Variants in TMOD1 observed in about 807,000 individuals in gnomAD.
The protein encoded by TMOD1 is tropomodulin 1, also known as tropomodulin-1.
Under a neutral mutation model 40.6 loss-of-function variants are expected in TMOD1, and 17 were observed. The ratio of observed to expected loss-of-function variants is 0.42; its 90% CI spans 0.29 to 0.63. The LOEUF (loss-of-function observed/expected upper bound fraction) is 0.63. Among genes scored for constraint, TMOD1 ranks in the 20% least tolerant of loss-of-function variants. The pLI is 0.22. For missense variants in TMOD1, 391 were observed against 447.6 expected, an observed-to-expected ratio of 0.87 and a Z score of 1.14; for synonymous variants, 181 against 175.0, an observed-to-expected ratio of 1.03 and a Z score of -0.27.
At chr9:97,599,304 TTTAACTC>T (rs1826196340) in intron 9 of TMOD1, among the ~76,000 whole-genome samples, 1 of 152,156 alleles carries the variant, frequency 6.6e-6, no homozygotes, top group African/African-American at 2.4e-5. Flanking sequence ...TGACTAAACT[TTTAACTC>T]TTATCTGAAC....
intron 8 of TMOD1, among the ~76,000 whole-genome samples, chr9:97,580,961 G>A (rs7863516): frequency 0.15 from 11,779 of 76,724 alleles, 620 homozygotes; most frequent in South Asian, 0.27. Flanking sequence ...TTTTCACTTG[G>A]CATAATTCTT....
At chr9:97,505,606 A>G (rs1158397771) in intron 1 of TMOD1, among the ~76,000 whole-genome samples, 3 of 151,642 alleles carry the variant, frequency 2.0e-5, no homozygotes, top group Non-Finnish European at 4.4e-5. Flanking sequence ...TTCTCTTTCC[A>G]CCGCACACTC....
chr9:97,568,191 G>A (rs1402642812), intron 7 of TMOD1, among the ~76,000 whole-genome samples: 1 of 152,208 alleles, frequency 6.6e-6, no homozygotes, highest in Non-Finnish European at 1.5e-5. Flanking sequence ...AAAGAGACAA[G>A]TGGGGAGTAT....
intron 8 of TMOD1, among the ~76,000 whole-genome samples, chr9:97,574,554 G>A (rs967762812): frequency 6.6e-6 from 1 of 152,254 alleles, no homozygotes; most frequent in Non-Finnish European, 1.5e-5. Context: ...GGGCTGAGGA[G>A]TGCGGGCGCA....
chr9:97,522,812 C>T (rs1829937843), intron 1 of TMOD1, among the ~76,000 whole-genome samples: 1 of 152,160 alleles, frequency 6.6e-6, no homozygotes, highest in South Asian at 2.1e-4. Flanking sequence ...ATCCTCTCAC[C>T]TCAGCCTCCC....
chr9:97,574,723 T>C (rs944105268), intron 8 of TMOD1, among the ~76,000 whole-genome samples: 6 of 152,158 alleles, frequency 3.9e-5, no homozygotes, highest in Admixed American at 1.3e-4. Flanking sequence ...TAGCTCAAGG[T>C]TTGTAAACAC....
At chr9:97,586,160 C>A (rs977849845) in intron 8 of TMOD1, among the ~76,000 whole-genome samples, 25 of 151,414 alleles carry the variant, frequency 1.7e-4, no homozygotes, top group Non-Finnish European at 3.3e-4. Flanking sequence ...TCTTTGATGA[C>A]GGTGATGTAC....
chr9:97,582,292 C>T (rs1210493279), intron 8 of TMOD1, among the ~76,000 whole-genome samples: 1 of 144,128 alleles, frequency 6.9e-6, no homozygotes, highest in Non-Finnish European at 1.5e-5. Flanking sequence ...TCAGGTTTGT[C>T]AAAGATCAGA....
At chr9:97,575,842 A>G (rs1391718871) in intron 8 of TMOD1, among the ~76,000 whole-genome samples, 1 of 152,202 alleles carries the variant, frequency 6.6e-6, no homozygotes, top group Admixed American at 6.5e-5. Flanking sequence ...ATGCTCTGAC[A>G]TGGTAAAGGT....
intron 2 of TMOD1, among the ~76,000 whole-genome samples, chr9:97,535,457 C>T (rs183392756): frequency 1.3e-5 from 2 of 152,322 alleles, no homozygotes; most frequent in African/African-American, 2.4e-5. Flanking sequence ...CTGGCTGGCT[C>T]TTCCCTGGTC....
chr9:97,573,835 G>A (rs1422882520), intron 8 of TMOD1, among the ~76,000 whole-genome samples: 2 of 152,150 alleles, frequency 1.3e-5, no homozygotes, highest in East Asian at 1.9e-4. Context: ...CCCAGCCTCG[G>A]AAGTTACACA....
rs531674005 is a variant in TMOD1, at chr9:97,591,161, A to G, written c.871-130A>G. 5.4e-5 allele frequency: 51 copies of G among 947,624 alleles called. No individual in the cohort carries two copies. In the East Asian group the frequency reaches 1.1e-3, roughly 21 times the overall value. 58.7% of individuals were successfully genotyped at this position (947,624 alleles called of 1,614,324 possible). On this transcript the variant is annotated intron_variant, in intron 8 of 9. Coordinates refer to ENST00000259365, the MANE Select transcript of TMOD1 (RefSeq NM_003275.4). ...AACTTCTCTAAACTTCCATTTCCCT[A>G]CTCTTGGAGAGGAGGCTAAAATCCC...
At chr9:97,544,088 C>A (rs1830318274) in intron 2 of TMOD1, among the ~76,000 whole-genome samples, 1 of 152,202 alleles carries the variant, frequency 6.6e-6, no homozygotes, top group Non-Finnish European at 1.5e-5. Flanking sequence ...ACCTGCCAAG[C>A]CCATTATCTG....
At position 97,536,085 on chromosome 9, in the gene TMOD1, T is replaced by A. The variant is rs900777070; in HGVS notation, c.121-10100T>A. On this transcript the variant is annotated intron_variant, in intron 2 of 9. Coordinates refer to ENST00000259365, the MANE Select transcript of TMOD1 (RefSeq NM_003275.4). ...TGCCACACTCTCAGGCTAAAGTATGTGAGAAGAGCGCTCCACTGCATCATT... is the reference window on the plus strand; with the variant it reads ...TGCCACACTCTCAGGCTAAAGTATGAGAGAAGAGCGCTCCACTGCATCATT... 2.6e-5 allele frequency among the ~76,000 whole-genome samples: 4 copies of A among 152,102 alleles called. No individual in the cohort carries two copies. In the South Asian group the frequency reaches 8.3e-4, roughly 31 times the overall value.
chr9:97,597,681 A>G (rs924068577), intron 9 of TMOD1, among the ~76,000 whole-genome samples: 1 of 104,990 alleles, frequency 9.5e-6, no homozygotes. Flanking sequence ...CTGGCAACAG[A>G]GCAAGACTCC....
intron 4 of TMOD1, chr9:97,555,544 A>G: frequency 2.0e-6 from 3 of 1,492,408 alleles, no homozygotes; most frequent in Non-Finnish European, 2.7e-6. Flanking sequence ...TAACGACGCA[A>G]TATGCTGCCG....
intron 8 of TMOD1, among the ~76,000 whole-genome samples, chr9:97,577,831 G>T (rs72751538): frequency 0.054 from 8,146 of 152,186 alleles, 292 homozygotes; most frequent in Non-Finnish European, 0.082. Flanking sequence ...TAGATTGACA[G>T]GAAAAATTCC....
intron 8 of TMOD1, among the ~76,000 whole-genome samples, chr9:97,579,342 G>C (rs893362218): frequency 6.6e-6 from 1 of 152,196 alleles, no homozygotes; most frequent in South Asian, 2.1e-4. Flanking sequence ...TGTCCTACCC[G>C]AGAGCTCATG....
At position 97,570,853 on chromosome 9, in the gene TMOD1, T is replaced by C. The variant is rs190194908; in HGVS notation, c.870+1816T>C. The stretch of plus-strand genomic sequence containing the variant: ...AAGCTGTGTGCCTCAGTATGGGGCT[T>C]TGTTCACCCAGAGAGGGCACTTTTT... On this transcript the variant is annotated intron_variant, in intron 8 of 9. Transcript: ENST00000259365. Among the ~76,000 whole-genome samples the C allele has an allele frequency of 9.2e-5, 14 of 152,348 alleles. No homozygotes were observed. The East Asian group carries it at 2.7e-3, about 29-fold the overall frequency.
Sources: allele counts gnomAD v4.1 joint callset (sites outside exome capture counted in the v4.1 genomes callset), GRCh38; gene constraint gnomAD v4.1.1; transcripts MANE v1.5; gene names NCBI Gene and HGNC (gene_info 2026-07-23, HGNC 2026-07-21).